SLC37A1: variants seen among roughly 807,000 people sequenced by gnomAD.
The protein encoded by SLC37A1 is glucose-6-phosphate exchanger SLC37A1.
A neutral mutation model predicts 75.3 loss-of-function variants in SLC37A1; 49 were observed. The ratio of observed to expected loss-of-function variants is 0.65; its 90% CI spans 0.52 to 0.83. The LOEUF is 0.83. SLC37A1 is among the 40% of genes least tolerant of loss of function. The pLI is 0.00. For synonymous variants in SLC37A1, 268 were observed against 292.1 expected (o/e 0.92, Z 0.84); for missense variants, 566 against 695.0 (o/e 0.81, Z 2.09).
intron 17 of SLC37A1, 48 bp from the exon 18 acceptor site, chr21:42,574,770 G>C: frequency 6.3e-7 from 1 of 1,594,602 alleles, no homozygotes; most frequent in Non-Finnish European, 8.6e-7. Flanking sequence ...GTTATGTGCT[G>C]GGATTTTCTC....
At chr21:42,502,452 GA>G (rs1014182830) in intron 2 of SLC37A1, 11 of 152,208 alleles carry the variant, frequency 7.2e-5, no homozygotes, top group Admixed American at 2.6e-4. Flanking sequence ...TAATCTGATG[GA>G]CAGGCAGTGT....
Position 42,548,588 on chromosome 21 carries a change from G to A in SLC37A1, c.768+1448G>A, listed in dbSNP as rs996603875. ...TACCACCCTGGTCCCCGTCACCACC[G>A]TCAGCTCTCCTCCGAGCCACTGCTC... On this transcript the variant is annotated intron_variant, in intron 9 of 19. Coordinates refer to ENST00000352133, the MANE Select transcript of SLC37A1 (RefSeq NM_001320537.2). This position sits in a 1 kb window ranked among gnomAD's most constrained non-coding sequence, Gnocchi z 5.6. 1.2e-4 allele frequency among the ~76,000 whole-genome samples: 19 copies of A among 152,114 alleles called. No individual in the cohort carries two copies. Among genetic ancestry groups the A allele is most frequent in the African/African-American group, 3.6e-4 (15 of 41,428 alleles).
chr21:42,510,002 G>A (rs1280070791), upstream of SLC37A1, among the ~76,000 whole-genome samples: 1 of 152,222 alleles, frequency 6.6e-6, no homozygotes, highest in East Asian at 1.9e-4. Flanking sequence ...TGCTCCTTAA[G>A]TTGATGGCAT....
intron 8 of SLC37A1, among the ~76,000 whole-genome samples, chr21:42,544,792 C>T (rs759084089): frequency 2.0e-5 from 3 of 152,190 alleles, no homozygotes; most frequent in South Asian, 2.1e-4. Context: ...TGTTTTCTTC[C>T]GCTCTGGTTC....
intron 3 of SLC37A1, among the ~76,000 whole-genome samples, chr21:42,530,638 ACACACACACACACACACC>A (rs879264927): frequency 0.12 from 4,453 of 36,900 alleles, 299 homozygotes; most frequent in Admixed American, 0.34. Context: ...ACACACACAC[ACACACACACACACACACC>A]CCCTCTGTGT....
chr21:42,535,703 A>T (rs1305656719), intron 5 of SLC37A1, among the ~76,000 whole-genome samples, 153 bp downstream of exon 5: 1 of 152,190 alleles, frequency 6.6e-6, no homozygotes, highest in Non-Finnish European at 1.5e-5. Context: ...GACGAGGCCA[A>T]GCTTAGGAGA....
At chr21:42,567,188 C>G (rs1430510410) in intron 16 of SLC37A1, 130 bp downstream of exon 16, 1 of 868,312 alleles carries the variant, frequency 1.2e-6, no homozygotes, top group Non-Finnish European at 1.8e-6. Flanking sequence ...TCACCTACAC[C>G]TGTGGTCTCC....
chr21:42,540,699 C>G (rs528406867), intron 6 of SLC37A1, among the ~76,000 whole-genome samples: 1 of 152,204 alleles, frequency 6.6e-6, no homozygotes, highest in Non-Finnish European at 1.5e-5. Context: ...TGATGCTCAT[C>G]TCGGGCTTTG....
In SLC37A1 at chr21:42,518,430, G is replaced by T. The variant is rs1391945750; in HGVS notation, c.-25G>T. The T allele has an allele frequency of 6.2e-7, 1 of 1,614,056 alleles. No individual in the cohort carries two copies. The highest frequency in any genetic ancestry group is 8.5e-7 in the Non-Finnish European group (1 of 1,179,948). The stretch of plus-strand genomic sequence containing the variant: ...ATGAAGCATCTTATTCTGCGACCGA[G>T]GCTCAGTGGTCAGTGGCGACGTAAA... On this transcript the variant is annotated 5_prime_UTR_variant, in exon 2 of 20. In the 5' UTR this introduces an upstream ATG that the reference lacks. Coordinates refer to ENST00000352133, the MANE Select transcript of SLC37A1 (RefSeq NM_001320537.2).
chr21:42,523,908 T>A (rs1465315919), intron 2 of SLC37A1, among the ~76,000 whole-genome samples: 1 of 151,552 alleles, frequency 6.6e-6, no homozygotes, highest in Non-Finnish European at 1.5e-5. Flanking sequence ...TTTTTTTTTT[T>A]AAGAAAAATC....
At chr21:42,561,128 C>T (rs73905694) in intron 11 of SLC37A1, among the ~76,000 whole-genome samples, 4,851 of 152,278 alleles carry the variant, frequency 0.032, 262 homozygotes, top group African/African-American at 0.11. Context: ...ACTGTGAAGA[C>T]ATCAACTCGT....
intron 2 of SLC37A1, among the ~76,000 whole-genome samples, chr21:42,520,071 A>G (rs2054611270): frequency 6.6e-6 from 1 of 152,144 alleles, no homozygotes; most frequent in Non-Finnish European, 1.5e-5. Flanking sequence ...TTATTTGTAA[A>G]TACTTCCGTG....
At chr21:42,578,217 G>T (rs1289519622) in intron 18 of SLC37A1, among the ~76,000 whole-genome samples, 2 of 152,208 alleles carry the variant, frequency 1.3e-5, no homozygotes, top group Admixed American at 1.3e-4. Flanking sequence ...GGGCCTGCAG[G>T]ACTGCCTGGC....
chr21:42,513,557 T>G (rs1328440797), upstream of SLC37A1, among the ~76,000 whole-genome samples: 3 of 151,782 alleles, frequency 2.0e-5, no homozygotes, highest in African/African-American at 7.2e-5. Context: ...AGAGGCCGCC[T>G]GGGACTGCCC....
chr21:42,504,767 G>A (rs370376011), intron 2 of SLC37A1, among the ~76,000 whole-genome samples: 1 of 152,144 alleles, frequency 6.6e-6, no homozygotes, highest in East Asian at 1.9e-4. Flanking sequence ...CCACTTCTTG[G>A]GCTGACCTTT....
rs748788644 is a variant in SLC37A1 at position 42,580,334 on chromosome 21, CTT to C, written c.1587-9_1587-8del. ...CTGTTAGAGCAGCTCTTCTTTCAAC[CTT>C]TCTTTCAGATTTAAGGAACAGTGAC... On this transcript the variant is annotated splice_polypyrimidine_tract_variant and intron_variant, in intron 19 of 19. Transcript: ENST00000352133. 1.2e-6 allele frequency: 2 copies of C among 1,612,524 alleles called. No individual in the cohort carries two copies. Among genetic ancestry groups the C allele is most frequent in the Non-Finnish European group, 1.7e-6 (2 of 1,179,448 alleles).
chr21:42,574,265 A>G (rs1160066994), intron 17 of SLC37A1, among the ~76,000 whole-genome samples: 1 of 152,250 alleles, frequency 6.6e-6, no homozygotes, highest in Non-Finnish European at 1.5e-5. Flanking sequence ...TTTATAGCAT[A>G]AGAATATCTA....
At chr21:42,558,820 T>C (rs986215613) in intron 10 of SLC37A1, 138 bp from the exon 11 acceptor site, 1 of 1,014,632 alleles carries the variant, frequency 9.9e-7, no homozygotes, top group African/African-American at 1.7e-5. Flanking sequence ...CAGGTGGGAA[T>C]GTCACCCAGG....
At chr21:42,567,905 T>C (rs2056020643) in intron 16 of SLC37A1, among the ~76,000 whole-genome samples, 1 of 152,162 alleles carries the variant, frequency 6.6e-6, no homozygotes, top group African/African-American at 2.4e-5. Context: ...CGTTTGCTAT[T>C]GATCAGGTTG....
Sources: gnomAD v4.1 joint callset for allele counts (sites outside exome capture counted in the v4.1 genomes callset) on GRCh38, gnomAD v4.1.1 for gene constraint, Gnocchi (gnomAD v3.1) non-coding constraint, MANE v1.5 for transcripts, NCBI Gene and HGNC (gene_info 2026-07-23, HGNC 2026-07-21) for gene names.